The following GPC5 variants were observed in gnomAD, a reference collection of about 807,000 sequenced individuals.
GPC5 encodes glypican-5.
GPC5 carries 47 observed loss-of-function variants against 53.9 expected under a neutral mutation model. That is an observed-to-expected ratio of 0.87 (90% confidence interval 0.69 to 1.11). The LOEUF (loss-of-function observed/expected upper bound fraction) is 1.11, where lower values mean the gene tolerates loss of function less well. Among genes scored for constraint, GPC5 ranks in the 50% most tolerant of loss-of-function variants. GPC5 has a pLI of 0.00. For missense variants in GPC5, 748 were observed against 713.1 expected, an observed-to-expected ratio of 1.05 and a Z score of -0.56; for synonymous variants, 286 against 263.3, an observed-to-expected ratio of 1.09 and a Z score of -0.84.
At chr13:92,147,907 G>A (rs1003416076) in intron 7 of GPC5, among the ~76,000 whole-genome samples, 8 of 151,962 alleles carry the variant, frequency 5.3e-5, no homozygotes, top group South Asian at 2.1e-4. Context: ...TATTTTGCCC[G>A]TTTTGGCCCA....
At chr13:92,388,476 CAA>C (rs992145273) in intron 7 of GPC5, among the ~76,000 whole-genome samples, 30 of 152,198 alleles carry the variant, frequency 2.0e-4, no homozygotes, top group African/African-American at 7.0e-4. Flanking sequence ...TCATTTCCGA[CAA>C]AAGGGTTGCT....
intron 7 of GPC5, among the ~76,000 whole-genome samples, chr13:92,605,799 G>C (rs1338472878): frequency 1.3e-5 from 2 of 150,014 alleles, no homozygotes; most frequent in African/African-American, 4.9e-5. Flanking sequence ...AGGACACCAA[G>C]GGAAAAAAAA....
At chr13:92,417,783 C>CG (rs1474799265) in intron 7 of GPC5, among the ~76,000 whole-genome samples, 1 of 152,038 alleles carries the variant, frequency 6.6e-6, no homozygotes, top group Non-Finnish European at 1.5e-5. Flanking sequence ...CCCAGCTATT[C>CG]GGGGGGCTGA....
At chr13:91,562,566 G>T (rs2031328663) in intron 2 of GPC5, among the ~76,000 whole-genome samples, 1 of 151,236 alleles carries the variant, frequency 6.6e-6, no homozygotes, top group Non-Finnish European at 1.5e-5. Flanking sequence ...GTGATTTCCT[G>T]CCTCAGTCTC....
At chr13:91,649,599 A>C (rs946236849) in intron 2 of GPC5, among the ~76,000 whole-genome samples, 1 of 152,222 alleles carries the variant, frequency 6.6e-6, no homozygotes, top group Non-Finnish European at 1.5e-5. Context: ...GACTGAAAAC[A>C]GGACTTATAT....
chr13:91,944,132 G>C (rs2139049564), intron 6 of GPC5, among the ~76,000 whole-genome samples: 1 of 151,062 alleles, frequency 6.6e-6, no homozygotes, highest in Non-Finnish European at 1.5e-5. Context: ...GTCTGGCTCT[G>C]TCGCCCAGGC....
rs1348676166 is a variant in GPC5 at position 92,438,702 on chromosome 13, G to A, written c.1561+293713G>A. ...GTCAATAACTGTTACTGGGACAATG[G>A]TCGTGGCATAAAGGATGTCTGTAAG... On this transcript the variant is annotated intron_variant, in intron 7 of 7. Coordinates refer to ENST00000377067, the MANE Select transcript of GPC5 (RefSeq NM_004466.6). 4.6e-5 allele frequency among the ~76,000 whole-genome samples: 7 copies of A among 152,080 alleles called. No individual in the cohort carries two copies. In the East Asian group the frequency reaches 9.6e-4, roughly 21 times the overall value.
At chr13:91,874,601 G>A (rs1193867262) in intron 5 of GPC5, among the ~76,000 whole-genome samples, 1 of 152,110 alleles carries the variant, frequency 6.6e-6, no homozygotes, top group Non-Finnish European at 1.5e-5. Context: ...TGAGACAAAA[G>A]CAATGCACAT....
Position 92,218,003 on chromosome 13 carries a change from G to C in GPC5, c.1561+73014G>C, listed in dbSNP as rs148469615. 2.6e-3 allele frequency among the ~76,000 whole-genome samples: 352 copies of C among 134,868 alleles called. 2 individuals carry two copies. Among genetic ancestry groups the C allele is most frequent in the African/African-American group, 9.5e-3 (334 of 35,034 alleles). The allele number at this position is 134,868 out of a possible 152,430, so 88.5% of individuals were successfully genotyped here. A position where few individuals can be genotyped will look rare whatever the true frequency, so the allele number is the denominator to read the frequency against. Reference sequence around the variant, plus strand: ...TGTGATCTTGACTCACTTCAGCCTTGAGCTCTAATTCTTGGGCTCCAGCGG... The same window carrying C: ...TGTGATCTTGACTCACTTCAGCCTTCAGCTCTAATTCTTGGGCTCCAGCGG... On this transcript the variant is annotated intron_variant, in intron 7 of 7. Coordinates refer to ENST00000377067, the MANE Select transcript of GPC5 (RefSeq NM_004466.6).
intron 7 of GPC5, among the ~76,000 whole-genome samples, chr13:92,233,756 C>T (rs1377972458): frequency 6.6e-6 from 1 of 152,044 alleles, no homozygotes; most frequent in Non-Finnish European, 1.5e-5. Context: ...GTGCTGTACC[C>T]ATTAACTCGT....
At chr13:91,711,828 A>G (rs2036232725) in intron 3 of GPC5, among the ~76,000 whole-genome samples, 1 of 152,050 alleles carries the variant, frequency 6.6e-6, no homozygotes. Flanking sequence ...CAGCAAATTT[A>G]TTTTGGGGGA....
At chr13:91,842,928 G>A (rs115166365) in intron 5 of GPC5, among the ~76,000 whole-genome samples, 1,915 of 152,058 alleles carry the variant, frequency 0.013, 53 homozygotes, top group African/African-American at 0.044. Context: ...AATGAAAATA[G>A]TTTAACAATA....
At chr13:91,579,819 G>A (rs2032289563) in intron 2 of GPC5, among the ~76,000 whole-genome samples, 1 of 151,384 alleles carries the variant, frequency 6.6e-6, no homozygotes, top group African/African-American at 2.4e-5. Context: ...TAAAGATGGG[G>A]TTTCACCATG....
At chr13:92,697,392 T>G (rs1162708957) in intron 7 of GPC5, among the ~76,000 whole-genome samples, 1 of 152,128 alleles carries the variant, frequency 6.6e-6, no homozygotes, top group African/African-American at 2.4e-5. Context: ...GGTTTGTAGT[T>G]CTCCTTGAAG....
At chr13:92,021,346 A>G (rs1215635279) in intron 6 of GPC5, among the ~76,000 whole-genome samples, 2 of 152,220 alleles carry the variant, frequency 1.3e-5, no homozygotes, top group African/African-American at 4.8e-5. Context: ...AGCCTAGAGG[A>G]CATTATGCTA....
At chr13:92,068,777 C>A (rs914962621) in intron 6 of GPC5, among the ~76,000 whole-genome samples, 1 of 151,330 alleles carries the variant, frequency 6.6e-6, no homozygotes, top group African/African-American at 2.4e-5. Flanking sequence ...ATTGAAAAAA[C>A]TTAATTTGTT....
intron 5 of GPC5, among the ~76,000 whole-genome samples, chr13:91,905,272 A>T (rs2039541016): frequency 6.6e-6 from 1 of 151,904 alleles, no homozygotes; most frequent in African/African-American, 2.4e-5. Context: ...ATAATTTAAG[A>T]GATGGTTACT....
intron 2 of GPC5, among the ~76,000 whole-genome samples, chr13:91,623,144 G>T (rs1477069030): frequency 6.6e-6 from 1 of 152,052 alleles, no homozygotes; most frequent in Non-Finnish European, 1.5e-5. Context: ...TAATAATAGG[G>T]GGAAAGGAAT....
At chr13:92,423,142 G>A (rs1876657533) in intron 7 of GPC5, among the ~76,000 whole-genome samples, 1 of 152,068 alleles carries the variant, frequency 6.6e-6, no homozygotes, top group Non-Finnish European at 1.5e-5. Context: ...TCCTCTATAA[G>A]TACACTAATC....
Sources: allele counts gnomAD v4.1 joint callset (sites outside exome capture counted in the v4.1 genomes callset), GRCh38; gene constraint gnomAD v4.1.1; transcripts MANE v1.5; gene names NCBI Gene and HGNC (gene_info 2026-07-23, HGNC 2026-07-21).